OPRM1: variants seen among roughly 807,000 people sequenced by gnomAD.
OPRM1 encodes the protein mu-type opioid receptor.
In OPRM1, 27 loss-of-function variants were observed where a neutral mutation model predicts 31.8. The ratio of observed to expected loss-of-function variants is 0.85; its 90% CI spans 0.63 to 1.17. The LOEUF is 1.17. Ranked by LOEUF, OPRM1 falls within the 50% of genes most tolerant of loss-of-function variation. OPRM1 has a pLI of 0.00. For missense variants in OPRM1, 536 were observed against 511.1 expected (o/e 1.05, Z -0.47); for synonymous variants, 196 against 189.9 (o/e 1.03, Z -0.26).
intron 1 of OPRM1, among the ~76,000 whole-genome samples, chr6:154,027,117 A>T (rs1413179365): frequency 6.6e-6 from 1 of 152,214 alleles, no homozygotes; most frequent in African/African-American, 2.4e-5. Context: ...GTCTTTCCAG[A>T]TATTCAAAAT....
At chr6:154,136,755 G>T (rs1449531506), downstream of OPRM1, among the ~76,000 whole-genome samples, 1 of 152,084 alleles carries the variant, frequency 6.6e-6, no homozygotes, top group Non-Finnish European at 1.5e-5. Flanking sequence ...TCCATGACCT[G>T]CCCATATGAT....
intron 3 of OPRM1, among the ~76,000 whole-genome samples, chr6:154,184,579 C>T (rs942060554): frequency 1.3e-5 from 2 of 151,918 alleles, no homozygotes; most frequent in African/African-American, 2.4e-5. Flanking sequence ...AGAAAAAATA[C>T]ACTCCAAATT....
chr6:154,201,924 G>A (rs1419801806), intron 3 of OPRM1, among the ~76,000 whole-genome samples: 1 of 152,056 alleles, frequency 6.6e-6, no homozygotes, highest in East Asian at 1.9e-4. Context: ...AAAACTCCAA[G>A]GAAGTGTCAG....
At chr6:154,019,481 C>T (rs1778215642) in intron 1 of OPRM1, among the ~76,000 whole-genome samples, 1 of 152,056 alleles carries the variant, frequency 6.6e-6, no homozygotes, top group Non-Finnish European at 1.5e-5. Flanking sequence ...CATATAAAGA[C>T]ATGCATTCAC....
intron 1 of OPRM1, among the ~76,000 whole-genome samples, chr6:154,055,958 A>G (rs973041325): frequency 5.3e-5 from 8 of 152,184 alleles, no homozygotes; most frequent in Non-Finnish European, 8.8e-5. Context: ...GAATAAGAAG[A>G]AATAACTTAT....
At chr6:154,102,349 C>T (rs544344176) in intron 3 of OPRM1, among the ~76,000 whole-genome samples, 1 of 152,266 alleles carries the variant, frequency 6.6e-6, no homozygotes, top group Non-Finnish European at 1.5e-5. Flanking sequence ...TACCACTTAG[C>T]TTTGATGTAA....
At chr6:154,090,757 G>GA (rs1791925469) in intron 2 of OPRM1, among the ~76,000 whole-genome samples, 195 bp from the exon 3 acceptor site, 1 of 151,570 alleles carries the variant, frequency 6.6e-6, no homozygotes, top group African/African-American at 2.4e-5. Flanking sequence ...GGGAAATTTA[G>GA]AAAAAAACAA....
intron 3 of OPRM1, 119 bp from the exon 4 acceptor site, chr6:154,118,564 C>A: frequency 3.6e-6 from 3 of 835,546 alleles, no homozygotes; most frequent in Non-Finnish European, 3.9e-6. Context: ...CTGAGGCTTG[C>A]AGGTGAAAGT....
downstream of OPRM1, among the ~76,000 whole-genome samples, chr6:154,134,606 C>T (rs1798009607): frequency 6.6e-6 from 1 of 152,092 alleles, no homozygotes; most frequent in Non-Finnish European, 1.5e-5. Flanking sequence ...TATCCAGAAG[C>T]CACACTGAGG....
At chr6:154,094,069 T>C (rs1037914553) in intron 3 of OPRM1, 5 of 437,660 alleles carry the variant, frequency 1.1e-5, no homozygotes, top group African/African-American at 1.0e-4. Flanking sequence ...GATTTGCATT[T>C]AACTTTTCAA....
At chr6:154,088,793 T>A (rs953142955) in intron 1 of OPRM1, among the ~76,000 whole-genome samples, 2 of 152,244 alleles carry the variant, frequency 1.3e-5, no homozygotes, top group Admixed American at 1.3e-4. Context: ...TACCATGGCA[T>A]ACAAGTTCTT....
chr6:154,147,946 A>G (rs1798400663), intron 3 of OPRM1, among the ~76,000 whole-genome samples: 1 of 152,218 alleles, frequency 6.6e-6, no homozygotes, highest in African/African-American at 2.4e-5. Context: ...AGTTTTTTAT[A>G]AAGTATGGCC....
At chr6:154,087,402 A>G (rs964913552) in intron 1 of OPRM1, 1 of 985,510 alleles carries the variant, frequency 1.0e-6, no homozygotes, top group Non-Finnish European at 1.2e-6. Context: ...ACGGAAAAAC[A>G]GTAAACACAA....
At chr6:154,015,070 A>C (rs1178820731) in intron 1 of OPRM1, among the ~76,000 whole-genome samples, 2 of 152,170 alleles carry the variant, frequency 1.3e-5, no homozygotes, top group East Asian at 3.8e-4. Context: ...GCCATTACTT[A>C]GGAAGAAGCA....
chr6:154,084,504 C>A (rs576407028), intron 1 of OPRM1, among the ~76,000 whole-genome samples: 21 of 152,004 alleles, frequency 1.4e-4, no homozygotes, highest in African/African-American at 5.1e-4. Flanking sequence ...TCAATTAACT[C>A]AGGTAGATAC....
intron 3 of OPRM1, among the ~76,000 whole-genome samples, chr6:154,150,438 C>G (rs1354928180): frequency 6.6e-6 from 1 of 152,158 alleles, no homozygotes; most frequent in East Asian, 1.9e-4. Flanking sequence ...CTAGCCCTTC[C>G]CCCATTGGCT....
At chr6:154,050,952 C>T (rs1346045634) in intron 1 of OPRM1, among the ~76,000 whole-genome samples, 1 of 151,970 alleles carries the variant, frequency 6.6e-6, no homozygotes, top group Non-Finnish European at 1.5e-5. Context: ...TTTTATTTTG[C>T]ATATTGAAAT....
At chr6:154,167,888 T>TA (rs1468022193) in intron 3 of OPRM1, 1 of 1,513,206 alleles carries the variant, frequency 6.6e-7, no homozygotes, top group Non-Finnish European at 9.1e-7. Flanking sequence ...CCCACATCCA[T>TA]AGAGTTCATC....
intron 3 of OPRM1, among the ~76,000 whole-genome samples, chr6:154,179,922 T>G (rs1800687924): frequency 1.3e-5 from 2 of 152,162 alleles, no homozygotes; most frequent in East Asian, 3.8e-4. Flanking sequence ...GCCGAGATTG[T>G]AAATTTTTAA....
Sources: allele counts gnomAD v4.1 joint callset (sites outside exome capture counted in the v4.1 genomes callset), GRCh38; gene constraint gnomAD v4.1.1; transcripts MANE v1.5; gene names NCBI Gene and HGNC (gene_info 2026-07-23, HGNC 2026-07-21).